Variants in NAV2 observed in about 807,000 individuals in gnomAD.
NAV2 encodes neuron navigator 2, also known as helicase, APC down-regulated 1.
A neutral mutation model predicts 223.2 loss-of-function variants in NAV2; 54 were observed. The observed-to-expected ratio is 0.24, with a 90% CI of 0.19 to 0.30. NAV2 has a LOEUF of 0.30. NAV2 is among the 10% of genes least tolerant of loss of function. The pLI is 1.00. For synonymous variants in NAV2, 1,279 were observed against 1,239.3 expected (o/e 1.03, Z -0.67); for missense variants, 2,806 against 3,147.5 (o/e 0.89, Z 2.60).
intron 3 of NAV2, among the ~76,000 whole-genome samples, chr11:19,864,454 A>G (rs1039306481): frequency 1.1e-4 from 17 of 152,170 alleles, no homozygotes; most frequent in African/African-American, 3.6e-4. Flanking sequence ...AGGTTTGCAT[A>G]TTTTACGTTA....
rs76023835 is a variant in NAV2 at position 19,656,938 on chromosome 11, G to A, written c.76-175546G>A. ...CCTAGGCTTTCCACCTGAGCACCTG[G>A]GAGAATGCAGGAGCCATTTACTCAG... On this transcript the variant is annotated intron_variant, in intron 1 of 37. Transcript: ENST00000360655. 1.6e-4 allele frequency among the ~76,000 whole-genome samples: 24 copies of A among 152,292 alleles called. No individual in the cohort carries two copies. The East Asian group carries it at 4.4e-3, about 28-fold the overall frequency.
chr11:20,032,768 G>A (rs1160679856), intron 11 of NAV2, among the ~76,000 whole-genome samples: 2 of 152,192 alleles, frequency 1.3e-5, no homozygotes, highest in Non-Finnish European at 2.9e-5. Context: ...GCAGGGAGCT[G>A]GGCTTAGAAT....
intron 1 of NAV2, among the ~76,000 whole-genome samples, chr11:19,689,703 G>T (rs1329591677): frequency 6.6e-6 from 1 of 152,260 alleles, no homozygotes; most frequent in African/African-American, 2.4e-5. Context: ...TATTTCACAA[G>T]CAGATGAATT....
intron 1 of NAV2, among the ~76,000 whole-genome samples, chr11:19,492,690 G>A (rs1227122389): frequency 6.6e-6 from 1 of 152,016 alleles, no homozygotes; most frequent in African/African-American, 2.4e-5. Context: ...TTTAGCAAAA[G>A]CAAATCCCAA....
intron 1 of NAV2, among the ~76,000 whole-genome samples, chr11:19,424,347 G>C (rs947214492): frequency 2.0e-5 from 3 of 152,130 alleles, no homozygotes; most frequent in Admixed American, 6.5e-5. Context: ...CTGTAAGAGA[G>C]GAATTAAATA....
chr11:19,431,985 G>A (rs1564931638), intron 1 of NAV2, among the ~76,000 whole-genome samples: 1 of 152,142 alleles, frequency 6.6e-6, no homozygotes, highest in Non-Finnish European at 1.5e-5. Context: ...ATCACCTGAG[G>A]TCAGGAGTTC....
intron 1 of NAV2, among the ~76,000 whole-genome samples, chr11:19,534,913 T>G (rs1187365641): frequency 6.6e-6 from 1 of 152,236 alleles, no homozygotes. Context: ...GCCAGCAATT[T>G]CACATCTCTT....
intron 1 of NAV2, among the ~76,000 whole-genome samples, chr11:19,556,570 C>G (rs1303769012): frequency 6.6e-6 from 1 of 152,100 alleles, no homozygotes; most frequent in Non-Finnish European, 1.5e-5. Context: ...AAATATAAAC[C>G]ATAGAATTTC....
intron 1 of NAV2, among the ~76,000 whole-genome samples, chr11:19,518,152 A>G (rs560133122): frequency 1.4e-4 from 22 of 152,296 alleles, no homozygotes; most frequent in African/African-American, 5.1e-4. Context: ...ACTTTCCTGG[A>G]TAACAGACTC....
At chr11:19,931,374 A>T (rs1035348335) in intron 6 of NAV2, among the ~76,000 whole-genome samples, 1 of 152,200 alleles carries the variant, frequency 6.6e-6, no homozygotes, top group African/African-American at 2.4e-5. Context: ...GTTTTAAAAC[A>T]TTGGGAGGTC....
At chr11:19,703,655 G>A (rs1419591162) in intron 1 of NAV2, among the ~76,000 whole-genome samples, 2 of 152,272 alleles carry the variant, frequency 1.3e-5, no homozygotes, top group African/African-American at 4.8e-5. Flanking sequence ...GAAAGTAATA[G>A]AAGGCCTGGA....
intron 1 of NAV2, among the ~76,000 whole-genome samples, chr11:19,792,412 G>C (rs1217538241): frequency 1.3e-5 from 2 of 152,206 alleles, no homozygotes; most frequent in African/African-American, 4.8e-5. Flanking sequence ...CTGACACCCT[G>C]GTCTGCTGCA....
chr11:20,013,942 T>C (rs1284038141), intron 11 of NAV2, among the ~76,000 whole-genome samples: 1 of 152,234 alleles, frequency 6.6e-6, no homozygotes, highest in Non-Finnish European at 1.5e-5. Flanking sequence ...AAAGTCAATG[T>C]GGTGACAGAT....
chr11:20,093,209 A>G lies in NAV2; in HGVS notation c.5916+10A>G. 6.3e-7 allele frequency: 1 copy of G among 1,589,098 alleles called. No individual in the cohort carries two copies. Among genetic ancestry groups the G allele is most frequent in the Admixed American group, 1.7e-5 (1 of 59,974 alleles). The stretch of plus-strand genomic sequence containing the variant: ...AATGAAGTGGAAGGAGGTTAGTTGG[A>G]TCCCTTTCCCTGCTTTGCCTGTCCC... On this transcript the variant is annotated intron_variant, in intron 29 of 37. Coordinates refer to ENST00000349880, the MANE Select transcript of NAV2 (RefSeq NM_145117.5).
intron 10 of NAV2, among the ~76,000 whole-genome samples, chr11:19,971,711 T>A (rs535982131): frequency 2.0e-5 from 3 of 152,348 alleles, no homozygotes; most frequent in African/African-American, 7.2e-5. Flanking sequence ...TTTTTCAAAC[T>A]TTTTTCTGTT....
intron 11 of NAV2, among the ~76,000 whole-genome samples, chr11:20,017,045 C>T (rs1268435149): frequency 6.6e-6 from 1 of 151,228 alleles, no homozygotes; most frequent in Non-Finnish European, 1.5e-5. Context: ...AGAAAAAGAA[C>T]TTTAACAGGA....
intron 1 of NAV2, among the ~76,000 whole-genome samples, chr11:19,682,141 A>C (rs1478821983): frequency 1.3e-5 from 2 of 152,002 alleles, no homozygotes; most frequent in Admixed American, 6.5e-5. Context: ...TACTCACCCC[A>C]TGGTACACCC....
At chr11:20,111,812 G>T (rs1439663364) in intron 36 of NAV2, among the ~76,000 whole-genome samples, 1 of 152,204 alleles carries the variant, frequency 6.6e-6, no homozygotes, top group Admixed American at 6.5e-5. Flanking sequence ...CTAGAAGAGT[G>T]TTTTTTCAGG....
At chr11:20,028,659 G>A (rs2006636) in intron 11 of NAV2, among the ~76,000 whole-genome samples, 124,619 of 152,132 alleles carry the variant, frequency 0.82, 51,595 homozygotes, top group South Asian at 0.91. Flanking sequence ...CGTGGTTTGA[G>A]TCTCATCCTT....
Sources: gnomAD v4.1 joint callset for allele counts (sites outside exome capture counted in the v4.1 genomes callset) on GRCh38, gnomAD v4.1.1 for gene constraint, MANE v1.5 for transcripts, NCBI Gene and HGNC (gene_info 2026-07-23, HGNC 2026-07-21) for gene names.